Variants in TMEM38B observed in about 807,000 individuals in gnomAD.
The protein encoded by TMEM38B is transmembrane protein 38B, also known as trimeric intracellular cation channel type B.
TMEM38B carries 24 observed loss-of-function variants against 28.7 expected under a neutral mutation model. The ratio of observed to expected loss-of-function variants is 0.84; its 90% CI spans 0.61 to 1.18. TMEM38B has a LOEUF of 1.18. TMEM38B is among the 50% of genes most tolerant of loss of function. The pLI is 0.00. For missense variants in TMEM38B, 380 were observed against 350.9 expected (o/e 1.08, Z -0.66); for synonymous variants, 131 against 127.7 (o/e 1.03, Z -0.17).
intron 4 of TMEM38B, among the ~76,000 whole-genome samples, chr9:105,729,004 CA>C (rs1466312055): frequency 6.6e-6 from 1 of 152,060 alleles, no homozygotes; most frequent in Non-Finnish European, 1.5e-5. Context: ...GAGTAGATTG[CA>C]AAAATTTTCT....
chr9:105,772,375 A>G (rs1179494087), intron 5 of TMEM38B, among the ~76,000 whole-genome samples: 1 of 152,058 alleles, frequency 6.6e-6, no homozygotes, highest in African/African-American at 2.4e-5. Flanking sequence ...ATTCCAACCT[A>G]TGGCTCCTTA....
chr9:105,717,131 C>T (rs1836130048), intron 2 of TMEM38B, among the ~76,000 whole-genome samples: 1 of 152,132 alleles, frequency 6.6e-6, no homozygotes, highest in Admixed American at 6.5e-5. Flanking sequence ...ATGTATGCAG[C>T]CACTACCATC....
intron 5 of TMEM38B, among the ~76,000 whole-genome samples, chr9:105,762,478 G>A (rs903059022): frequency 4.2e-5 from 6 of 144,182 alleles, no homozygotes; most frequent in African/African-American, 1.3e-4. Context: ...TCATTGTTCA[G>A]TTCCCACCTA....
intron 4 of TMEM38B, among the ~76,000 whole-genome samples, chr9:105,730,868 A>G (rs1290170279): frequency 6.6e-6 from 1 of 152,156 alleles, no homozygotes; most frequent in Non-Finnish European, 1.5e-5. Flanking sequence ...TGTTTATAGT[A>G]TTCTCTGATG....
intron 4 of TMEM38B, among the ~76,000 whole-genome samples, chr9:105,737,929 C>T (rs986272281): frequency 6.6e-6 from 1 of 152,154 alleles, no homozygotes; most frequent in Non-Finnish European, 1.5e-5. Context: ...GGAGTGGCTC[C>T]ATAGCAGCTT....
At chr9:105,723,025 G>A (rs1836378822) in intron 4 of TMEM38B, among the ~76,000 whole-genome samples, 1 of 152,108 alleles carries the variant, frequency 6.6e-6, no homozygotes, top group African/African-American at 2.4e-5. Flanking sequence ...TATATATGTA[G>A]TTCTGATAGT....
chr9:105,706,509 C>T (rs1379236109), intron 2 of TMEM38B, among the ~76,000 whole-genome samples: 1 of 152,186 alleles, frequency 6.6e-6, no homozygotes, highest in Non-Finnish European at 1.5e-5. Flanking sequence ...TAAGTGGGCT[C>T]ATAAGAGCAA....
chr9:105,708,022 A>T (rs1835744036), intron 2 of TMEM38B, among the ~76,000 whole-genome samples: 1 of 148,874 alleles, frequency 6.7e-6, no homozygotes, highest in Non-Finnish European at 1.5e-5. Context: ...TGTTATTTCT[A>T]CTTCTGTTCC....
rs560312937 is a variant in TMEM38B, at chr9:105,767,754, A to C, written c.661-6111A>C. On this transcript the variant is annotated intron_variant, in intron 5 of 5. Transcript: ENST00000374692. The stretch of plus-strand genomic sequence containing the variant: ...GGAATTTTACATTGCTTCTATGTAC[A>C]TTGCTTGTAAGAATAATCTTACACA... Among the ~76,000 whole-genome samples the C allele has an allele frequency of 3.9e-5, 6 of 152,268 alleles. No individual in the cohort carries two copies. In the South Asian group the frequency reaches 1.2e-3, roughly 32 times the overall value.
chr9:105,747,517 CA>C (rs1272162384), intron 4 of TMEM38B, among the ~76,000 whole-genome samples: 1 of 151,954 alleles, frequency 6.6e-6, no homozygotes, highest in Admixed American at 6.6e-5. Context: ...CTGATCTTTT[CA>C]AAAAAACAGC....
At chr9:105,765,014 C>A (rs896199291) in intron 5 of TMEM38B, among the ~76,000 whole-genome samples, 6 of 152,210 alleles carry the variant, frequency 3.9e-5, no homozygotes, top group Middle Eastern at 3.4e-3. Flanking sequence ...GGTTCTGGGA[C>A]AACTGGCTAG....
chr9:105,763,664 T>C (rs2133643722), intron 5 of TMEM38B, among the ~76,000 whole-genome samples: 1 of 152,308 alleles, frequency 6.6e-6, no homozygotes, highest in Non-Finnish European at 1.5e-5. Context: ...AAGGAGCAAC[T>C]GGTACCATTC....
rs893412625 is a variant in TMEM38B, at chr9:105,776,426, T to C, written c.*2346T>C. On this transcript the variant is annotated 3_prime_UTR_variant, in exon 6 of 6. Transcript: ENST00000374692. ...GGGTAGAGACCAAAAGGTAGAGAGA[T>C]GACAGAAGGGAGACTCTGATTAGTG... is the stretch of plus-strand genomic sequence containing the variant. 2.0e-5 allele frequency: 3 copies of C among 151,978 alleles called. No individual in the cohort carries two copies. The highest frequency in any genetic ancestry group is 4.8e-5 in the African/African-American group (2 of 41,386). The allele number at this position is 151,978 out of a possible 1,614,324, so 9.4% of individuals were successfully genotyped here.
At chr9:105,735,999 A>G (rs1836959045) in intron 4 of TMEM38B, among the ~76,000 whole-genome samples, 1 of 151,924 alleles carries the variant, frequency 6.6e-6, no homozygotes, top group Non-Finnish European at 1.5e-5. Flanking sequence ...TCTCAAAAAT[A>G]GCTGGTATTT....
Position 105,760,050 on chromosome 9 carries a change from A to G in TMEM38B, c.660+11860A>G, listed in dbSNP as rs570742936. The G allele has an allele frequency of 4.4e-5, 55 of 1,240,772 alleles. 1 individual carries two copies. In the South Asian group the frequency reaches 6.9e-4, roughly 16 times the overall value. The allele number at this position is 1,240,772 out of a possible 1,614,324, so 76.9% of individuals were successfully genotyped here. A position where few individuals can be genotyped will look rare whatever the true frequency, so the allele number is the denominator to read the frequency against. ...AATTTTCAGAAAATTCTTTACTTCC[A>G]GCTTCTTCTGTGTTGACTGGTACAC... On this transcript the variant is annotated intron_variant, in intron 5 of 5. Coordinates refer to ENST00000374692, the MANE Select transcript of TMEM38B (RefSeq NM_018112.3).
chr9:105,759,445 A>G (rs774931212), intron 5 of TMEM38B: 11 of 1,562,104 alleles, frequency 7.0e-6, no homozygotes, highest in Admixed American at 5.8e-5. Flanking sequence ...AAGATGTGCT[A>G]AGAAAATGCA....
At chr9:105,740,759 A>T (rs1409939567) in intron 4 of TMEM38B, among the ~76,000 whole-genome samples, 5 of 152,198 alleles carry the variant, frequency 3.3e-5, no homozygotes, top group Non-Finnish European at 7.3e-5. Context: ...TTTAAGAAGT[A>T]AAATATACGT....
chr9:105,765,269 TTTA>T (rs1298888244), intron 5 of TMEM38B, among the ~76,000 whole-genome samples: 2 of 152,232 alleles, frequency 1.3e-5, no homozygotes, highest in Non-Finnish European at 2.9e-5. Context: ...GCATTTAATA[TTTA>T]TTGACGAAAT....
At chr9:105,759,640 C>T (rs1837962866) in intron 5 of TMEM38B, 14 of 1,588,000 alleles carry the variant, frequency 8.8e-6, no homozygotes, top group Middle Eastern at 3.3e-4. Flanking sequence ...TGTAAAGAGG[C>T]ATCAATCTTT....
Sources: allele counts gnomAD v4.1 joint callset (sites outside exome capture counted in the v4.1 genomes callset), GRCh38; gene constraint gnomAD v4.1.1; transcripts MANE v1.5; gene names NCBI Gene and HGNC (gene_info 2026-07-23, HGNC 2026-07-21).